CHODL: variants seen among roughly 807,000 people sequenced by gnomAD.
CHODL encodes the protein chondrolectin.
Under a neutral mutation model 34.5 loss-of-function variants are expected in CHODL, and 29 were observed. The observed-to-expected ratio is 0.84, with a 90% CI of 0.63 to 1.15. The LOEUF is 1.15. CHODL is among the 50% of genes most tolerant of loss of function. The probability of loss-of-function intolerance (pLI) is 0.00; values close to 1 mark genes in which losing one functional copy is unlikely to be tolerated. For synonymous variants in CHODL, 125 were observed against 116.1 expected (o/e 1.08, Z -0.49); for missense variants, 332 against 332.5 (o/e 1.00, Z 0.01).
At position 18,098,983 on chromosome 21, in the gene CHODL, C is replaced by A. The variant is rs193244213; in HGVS notation, c.-45+71012C>A. Among the ~76,000 whole-genome samples, 489 of 152,190 alleles carry A rather than the reference C, an allele frequency of 3.2e-3. 7 individuals carry two copies. The Middle Eastern group carries it at 0.075, about 23-fold the overall frequency. On this transcript the variant is annotated intron_variant, in intron 2 of 6. Transcript: ENST00000400127. ...GTAAAACAAGTCAGGCATGGAAAGA[C>A]AAACATCGTATATTCTCACATATTT...
intron 1 of CHODL, among the ~76,000 whole-genome samples, chr21:18,008,520 G>T (rs1247981080): frequency 6.6e-6 from 1 of 151,788 alleles, no homozygotes; most frequent in Non-Finnish European, 1.5e-5. Flanking sequence ...CTTCCCCTCA[G>T]CTTCTGGCAA....
chr21:18,202,358 C>T (rs2073664176), intron 2 of CHODL, among the ~76,000 whole-genome samples: 1 of 152,146 alleles, frequency 6.6e-6, no homozygotes, highest in Non-Finnish European at 1.5e-5. Flanking sequence ...AAGGAAATCA[C>T]TAACATTAAA....
intron 2 of CHODL, among the ~76,000 whole-genome samples, chr21:18,118,781 C>A (rs1310497067): frequency 1.3e-5 from 2 of 152,184 alleles, no homozygotes; most frequent in Non-Finnish European, 2.9e-5. Context: ...CCTTTCATAG[C>A]TCTTCTGTCT....
intron 2 of CHODL, among the ~76,000 whole-genome samples, chr21:18,208,483 T>G (rs1293045596): frequency 6.6e-6 from 1 of 152,134 alleles, no homozygotes. Flanking sequence ...AATTGGTCCC[T>G]TATGTCTTAT....
intron 1 of CHODL, among the ~76,000 whole-genome samples, chr21:18,247,239 C>T (rs2074152101): frequency 6.6e-6 from 1 of 152,070 alleles, no homozygotes; most frequent in South Asian, 2.1e-4. Flanking sequence ...ATCAATTTTT[C>T]GTGCCACTTG....
At chr21:18,253,894 C>G (rs1268556824) in intron 1 of CHODL, among the ~76,000 whole-genome samples, 1 of 152,174 alleles carries the variant, frequency 6.6e-6, no homozygotes, top group Non-Finnish European at 1.5e-5. Context: ...GAGGGAACAA[C>G]TCTTGGCTTG....
chr21:18,131,125 AG>A lies in CHODL; in HGVS notation c.-45+103155del, dbSNP rs142913164. ...GAGAGGAAGACAGAGAGAGAAAGAG[AG>A]AGCAGAGAGAGAGAGACAGAGAGAG... On this transcript the variant is annotated intron_variant, in intron 2 of 6. Coordinates refer to the CHODL transcript ENST00000400127. 5.8e-3 allele frequency among the ~76,000 whole-genome samples: 877 copies of A among 150,834 alleles called. 9 individuals are homozygous for A. Among genetic ancestry groups the A allele is most frequent in the African/African-American group, 0.021 (842 of 40,344 alleles).
chr21:18,266,083 A>G lies in CHODL; in HGVS notation c.*45A>G. On this transcript the variant is annotated 3_prime_UTR_variant, in exon 6 of 6. Transcript: ENST00000299295. ...CAGAATTTTGTAATTCTGGATCTGT[A>G]TAAGGAATGGCATCAGAACAATAGC... 2 of 1,613,704 alleles carry G rather than the reference A, an allele frequency of 1.2e-6. No individual in the cohort carries two copies. Among genetic ancestry groups the G allele is most frequent in the Non-Finnish European group, 1.7e-6 (2 of 1,179,764 alleles).
intron 2 of CHODL, among the ~76,000 whole-genome samples, chr21:18,146,591 C>T (rs2072893100): frequency 1.3e-5 from 2 of 152,108 alleles, no homozygotes; most frequent in South Asian, 4.1e-4. Context: ...TTGTAAGTTT[C>T]CTGAGGCCTC....
intron 2 of CHODL, among the ~76,000 whole-genome samples, chr21:18,085,284 A>C (rs1356539136): frequency 6.6e-6 from 1 of 152,110 alleles, no homozygotes; most frequent in Non-Finnish European, 1.5e-5. Context: ...ATTTACATTC[A>C]AGGTTAATAT....
chr21:18,181,488 C>T (rs998081422), intron 2 of CHODL, among the ~76,000 whole-genome samples: 8 of 152,118 alleles, frequency 5.3e-5, no homozygotes, highest in South Asian at 2.1e-4. Flanking sequence ...CTGCAAGCTC[C>T]GCCTCCTGGG....
At chr21:17,969,242 A>G (rs1284979420) in intron 1 of CHODL, among the ~76,000 whole-genome samples, 6 of 152,338 alleles carry the variant, frequency 3.9e-5, no homozygotes, top group South Asian at 2.1e-4. Context: ...TGCACAAATT[A>G]TAGCCATATG....
chr21:18,008,145 CT>C (rs200595635), intron 1 of CHODL, among the ~76,000 whole-genome samples: 88 of 150,806 alleles, frequency 5.8e-4, no homozygotes, highest in Non-Finnish European at 1.0e-3. Context: ...TATTTTTCTT[CT>C]TTTTTTTAAA....
chr21:18,080,820 C>G (rs1258482139), intron 2 of CHODL, among the ~76,000 whole-genome samples: 3 of 152,090 alleles, frequency 2.0e-5, no homozygotes, highest in Non-Finnish European at 2.9e-5. Context: ...ACTATTTAAG[C>G]TCTTTTTTGG....
intron 2 of CHODL, among the ~76,000 whole-genome samples, chr21:18,139,834 C>G (rs2072780411): frequency 6.6e-6 from 1 of 152,054 alleles, no homozygotes; most frequent in South Asian, 2.1e-4. Context: ...AAAGAGTACT[C>G]TACTTGAAGT....
chr21:18,032,936 A>G (rs970964997), intron 2 of CHODL, among the ~76,000 whole-genome samples: 2 of 152,062 alleles, frequency 1.3e-5, no homozygotes, highest in Non-Finnish European at 2.9e-5. Flanking sequence ...TTTAGTATTT[A>G]AAACGTAGCA....
intron 1 of CHODL, among the ~76,000 whole-genome samples, chr21:17,921,445 C>G (rs1356908482): frequency 6.6e-6 from 1 of 152,224 alleles, no homozygotes; most frequent in Non-Finnish European, 1.5e-5. Flanking sequence ...GGCAGGGGGT[C>G]TAACCCTCTT....
intron 2 of CHODL, among the ~76,000 whole-genome samples, chr21:18,050,385 C>A (rs577602259): frequency 6.6e-6 from 1 of 151,896 alleles, no homozygotes; most frequent in African/African-American, 2.4e-5. Flanking sequence ...GCAAGAAAGG[C>A]ATTTCTGTTT....
intron 1 of CHODL, among the ~76,000 whole-genome samples, chr21:17,951,591 A>G (rs1227293127): frequency 6.6e-6 from 1 of 152,244 alleles, no homozygotes; most frequent in Non-Finnish European, 1.5e-5. Flanking sequence ...TTATAGCTAT[A>G]TTAAAAAATT....
Sources: allele counts gnomAD v4.1 joint callset (sites outside exome capture counted in the v4.1 genomes callset), GRCh38; gene constraint gnomAD v4.1.1; transcripts MANE v1.5; gene names NCBI Gene and HGNC (gene_info 2026-07-23, HGNC 2026-07-21).